VXN: variants seen among roughly 807,000 people sequenced by gnomAD.
VXN encodes the protein vexin, also known as uncharacterized protein C8orf46.
In VXN, 7 loss-of-function variants were observed where a neutral mutation model predicts 23.1. That is an observed-to-expected ratio of 0.30 (90% CI 0.17 to 0.57). The LOEUF (loss-of-function observed/expected upper bound fraction) is 0.57. Ranked by LOEUF, VXN falls within the 20% of genes least tolerant of loss-of-function variation. The pLI is 0.91. For missense variants in VXN, 238 were observed against 272.6 expected (o/e 0.87, Z 0.89); for synonymous variants, 120 against 105.8 (o/e 1.13, Z -0.83).
chr8:66,503,444 C>T (rs377548580), intron 2 of VXN: 23 of 152,314 alleles, frequency 1.5e-4, no homozygotes, highest in African/African-American at 4.3e-4. Context: ...GAATCAAAGA[C>T]GTCAGCAGAT....
At position 66,496,893 on chromosome 8, in the gene VXN, AT is replaced by A. The variant is rs58845134; in HGVS notation, c.126+411del. Among the ~76,000 whole-genome samples the A allele has an allele frequency of 8.2e-3, 1,232 of 150,304 alleles. 16 individuals are homozygous for A. Among genetic ancestry groups the A allele is most frequent in the African/African-American group, 0.026 (1,061 of 41,050 alleles). ...AATGAATGTATTTATATAAAATACT[AT>A]TTTTTTTTTGAGATGGAGTCTCTCT... On this transcript the variant is annotated intron_variant, in intron 2 of 5. Coordinates refer to ENST00000305454, the MANE Select transcript of VXN (RefSeq NM_152765.4).
At chr8:66,499,360 G>A (rs984604699) in intron 2 of VXN, among the ~76,000 whole-genome samples, 1 of 150,516 alleles carries the variant, frequency 6.6e-6, no homozygotes, top group Non-Finnish European at 1.5e-5. Flanking sequence ...AGCCTCCCAA[G>A]TATCTGGGAC....
intron 5 of VXN, 132 bp from the exon 6 acceptor site, chr8:66,515,761 T>C: frequency 1.3e-6 from 1 of 757,924 alleles, no homozygotes; most frequent in East Asian, 2.8e-5. Context: ...ACAGTGACCT[T>C]ACAGCTACGT....
In VXN at chr8:66,517,701, T is replaced by C. The variant is rs1807913246; in HGVS notation, c.*1625T>C. ...ACTCTGCCCCTGAAGGTTTGTTTTC[T>C]AATTCAGAGGTTTAAATTAATCTAG... On this transcript the variant is annotated 3_prime_UTR_variant, in exon 6 of 6. Transcript: ENST00000305454. The C allele has an allele frequency of 6.6e-6, 1 of 152,270 alleles. No homozygotes were observed. Among genetic ancestry groups the C allele is most frequent in the Non-Finnish European group, 1.5e-5 (1 of 68,052 alleles). The allele number at this position is 152,270 out of a possible 1,614,324, so 9.4% of individuals were successfully genotyped here. A position where few individuals can be genotyped will look rare whatever the true frequency, so the allele number is the denominator to read the frequency against.
rs189197534 is a variant in VXN, at chr8:66,508,321, G to A, written c.281-1775G>A. On this transcript the variant is annotated intron_variant, in intron 3 of 5. Coordinates refer to ENST00000305454, the MANE Select transcript of VXN (RefSeq NM_152765.4). Reference sequence around the variant, plus strand: ...TCATCTCGGCTGTGTAGAGAACATCGTCAGTGAAGGGCCCAGCCTCCAGCC... The same window carrying A: ...TCATCTCGGCTGTGTAGAGAACATCATCAGTGAAGGGCCCAGCCTCCAGCC... Among the ~76,000 whole-genome samples, 492 of 152,096 alleles carry A rather than the reference G, an allele frequency of 3.2e-3. 5 individuals are homozygous for A. The highest frequency in any genetic ancestry group is 0.011 in the African/African-American group (474 of 41,486).
At chr8:66,507,282 A>C (rs1807770220) in intron 3 of VXN, among the ~76,000 whole-genome samples, 1 of 152,206 alleles carries the variant, frequency 6.6e-6, no homozygotes, top group South Asian at 2.1e-4. Flanking sequence ...TTTAGGGAAC[A>C]TTAATCTGTA....
intron 1 of VXN, among the ~76,000 whole-genome samples, 200 bp from the exon 2 acceptor site, chr8:66,496,237 G>A (rs1308477583): frequency 6.6e-6 from 1 of 152,114 alleles, no homozygotes; most frequent in Non-Finnish European, 1.5e-5. Flanking sequence ...CCAAACTTCA[G>A]CTCTTGTGAG....
intron 2 of VXN, among the ~76,000 whole-genome samples, chr8:66,499,514 G>C (rs181776899): frequency 3.3e-5 from 5 of 151,992 alleles, no homozygotes; most frequent in Non-Finnish European, 1.5e-5. Flanking sequence ...GGAATTTGCA[G>C]GTGTGAGCCA....
chr8:66,498,506 TC>T (rs1156951670), intron 2 of VXN, among the ~76,000 whole-genome samples: 1 of 152,026 alleles, frequency 6.6e-6, no homozygotes. Context: ...AATACAGTAG[TC>T]CCCCCCTTAT....
intron 5 of VXN, 53 bp downstream of exon 5, chr8:66,513,690 C>A: frequency 6.7e-7 from 1 of 1,489,094 alleles, no homozygotes; most frequent in Non-Finnish European, 9.3e-7. Context: ...TGTCCTGATC[C>A]TTCCTTCCCC....
In VXN at chr8:66,513,595, C is replaced by T. The variant is rs773692872; in HGVS notation, c.398C>T (p.Ala133Val). Residue 133 changes from alanine to valine, a missense_variant, in exon 5 of 6, where the codon GCG (alanine) becomes GTG (valine). Around this residue, in one of 2 missense-constraint regions of VXN, gnomAD observed 223 missense variants for 236.9 expected, o/e 0.94. Transcript: ENST00000305454. ...ACTTCAGCCTCTGCCTCATTGGAGG[C>T]GACAGCCATGGGCACAGAGAAGGGA... ...VKTSASASLE[A>V]TAMGTEKGAV... 45 of 1,614,000 alleles carry T rather than the reference C, an allele frequency of 2.8e-5. No individual in the cohort carries two copies. The East Asian group carries it at 3.8e-4, about 14-fold the overall frequency.
At chr8:66,495,960 C>T (rs906424016) in intron 1 of VXN, among the ~76,000 whole-genome samples, 1 of 152,188 alleles carries the variant, frequency 6.6e-6, no homozygotes, top group African/African-American at 2.4e-5. Context: ...ACTTTTTGTC[C>T]TACAAATTTG....
At chr8:66,508,366 A>C (rs550002197) in intron 3 of VXN, among the ~76,000 whole-genome samples, 3 of 152,236 alleles carry the variant, frequency 2.0e-5, no homozygotes, top group Admixed American at 2.0e-4. Flanking sequence ...AGGCTACCAG[A>C]GAGGTCCACT....
At position 66,517,604 on chromosome 8, in the gene VXN, G is replaced by A. The variant is rs949642790; in HGVS notation, c.*1528G>A. On this transcript the variant is annotated 3_prime_UTR_variant, in exon 6 of 6. Transcript: ENST00000305454. ...GGAATCTGAGATAGAAGAATGCTGT[G>A]GTCAATTAGTAATTCTTGCCCATGG... 1 of 152,180 alleles carries A rather than the reference G, an allele frequency of 6.6e-6. No individual in the cohort carries two copies. Among genetic ancestry groups the A allele is most frequent in the Non-Finnish European group, 1.5e-5 (1 of 68,044 alleles). The allele number at this position is 152,180 out of a possible 1,614,324, so 9.4% of individuals were successfully genotyped here.
At chr8:66,499,520 A>G (rs1420264626) in intron 2 of VXN, among the ~76,000 whole-genome samples, 2 of 151,818 alleles carry the variant, frequency 1.3e-5, no homozygotes, top group African/African-American at 4.8e-5. Flanking sequence ...TGCAGGTGTG[A>G]GCCACTGTGC....
chr8:66,505,431 C>A lies in VXN; in HGVS notation c.183C>A (p.Arg61=). ...AGCCCCTGGAGCTGCTGCCCCACCG[C>A]GGAGACCGCAGGGACCCTGGCGACC... is the stretch of plus-strand genomic sequence containing the variant. ...THQPLELLPH[R]GDRRDPGDRR... is the part of the protein sequence containing the mutation. Residue 61 remains arginine (R), a synonymous_variant, in exon 3 of 6, where the codon CGC becomes CGA. Transcript: ENST00000305454. The A allele has an allele frequency of 6.3e-7, 1 of 1,579,064 alleles. No homozygotes were observed.
rs931097098 is a variant in VXN at position 66,517,666 on chromosome 8, T to G, written c.*1590T>G. On this transcript the variant is annotated 3_prime_UTR_variant, in exon 6 of 6. Transcript: ENST00000305454. The stretch of plus-strand genomic sequence containing the variant: ...ACACATGCCTTGTATATTTGTCATC[T>G]GTGGCCTAAACTCTGCCCCTGAAGG... 2.0e-5 allele frequency: 3 copies of G among 152,264 alleles called. No homozygotes were observed. Among genetic ancestry groups the G allele is most frequent in the Non-Finnish European group, 4.4e-5 (3 of 68,046 alleles). 9.4% of individuals were successfully genotyped at this position (152,264 alleles called of 1,614,324 possible). A position where few individuals can be genotyped will look rare whatever the true frequency, so the allele number is the denominator to read the frequency against.
At position 66,517,548 on chromosome 8, in the gene VXN, G is replaced by A. The variant is rs1807911459; in HGVS notation, c.*1472G>A. The A allele has an allele frequency of 6.6e-6, 1 of 152,190 alleles. No homozygotes were observed. The highest frequency in any genetic ancestry group is 2.1e-4 in the South Asian group (1 of 4,820). The allele number at this position is 152,190 out of a possible 1,614,324, so 9.4% of individuals were successfully genotyped here. On this transcript the variant is annotated 3_prime_UTR_variant, in exon 6 of 6. Coordinates refer to ENST00000305454, the MANE Select transcript of VXN (RefSeq NM_152765.4). ...CCCAAACACTAAACATGATTGATGG[G>A]TAGAGGCTGCCCGAAGTACTGTGTA...
intron 2 of VXN, among the ~76,000 whole-genome samples, chr8:66,503,961 C>T (rs1235246844): frequency 6.6e-6 from 1 of 152,224 alleles, no homozygotes; most frequent in Non-Finnish European, 1.5e-5. Flanking sequence ...CTGGGCTCTT[C>T]TCCTCTTTCA....
Sources: allele counts gnomAD v4.1 joint callset (sites outside exome capture counted in the v4.1 genomes callset), GRCh38; gene constraint gnomAD v4.1.1; regional missense constraint gnomAD v4.1.1; transcripts MANE v1.5; gene names NCBI Gene and HGNC (gene_info 2026-07-23, HGNC 2026-07-21).